The following PTDSS1 variants were observed in gnomAD, a reference collection of about 807,000 sequenced individuals.
PTDSS1 encodes PSS-1.
Under a neutral mutation model 70.5 loss-of-function variants are expected in PTDSS1, and 45 were observed. The observed-to-expected ratio is 0.64, with a 90% CI of 0.50 to 0.82. PTDSS1 has a LOEUF of 0.82. Among genes scored for constraint, PTDSS1 ranks in the 40% least tolerant of loss-of-function variants. PTDSS1 has a pLI of 0.00. For missense variants in PTDSS1, 417 were observed against 586.1 expected, an observed-to-expected ratio of 0.71 and a Z score of 2.98; for synonymous variants, 188 against 203.8, an observed-to-expected ratio of 0.92 and a Z score of 0.66.
chr8:96,321,517 T>G (rs539420506), intron 10 of PTDSS1, among the ~76,000 whole-genome samples: 2 of 152,362 alleles, frequency 1.3e-5, no homozygotes, highest in African/African-American at 4.8e-5. Context: ...AATTTATCGG[T>G]TGAAGAAAGC....
chr8:96,294,796 G>T (rs1297459635), intron 4 of PTDSS1, among the ~76,000 whole-genome samples: 1 of 152,136 alleles, frequency 6.6e-6, no homozygotes, highest in Non-Finnish European at 1.5e-5. Flanking sequence ...TTGCCCTGTG[G>T]TCTGATGACA....
rs1302708008 is a variant in PTDSS1, at chr8:96,299,837, A to C, written c.744A>C (p.Ala248=). ...TAGAGATGAGGACTTACCACTGGGCAAGCTTCAAGTGAGTTGCCTTCTTTT... is the reference window on the plus strand; with the variant it reads ...TAGAGATGAGGACTTACCACTGGGCCAGCTTCAAGTGAGTTGCCTTCTTTT... ...RFLEMRTYHW[A]SFKDIHTTTG... Residue 248 remains alanine (A), a synonymous_variant, in exon 6 of 13, where the codon GCA becomes GCC. Transcript: ENST00000517309. The C allele has an allele frequency of 6.2e-7, 1 of 1,610,380 alleles. No individual in the cohort carries two copies. The highest frequency in any genetic ancestry group is 2.2e-5 in the East Asian group (1 of 44,818).
intron 3 of PTDSS1, among the ~76,000 whole-genome samples, chr8:96,285,143 T>C (rs1810803623): frequency 6.6e-6 from 1 of 152,232 alleles, no homozygotes; most frequent in Admixed American, 6.5e-5. Flanking sequence ...CAGGAGCTGG[T>C]GTCTGGTTTA....
At chr8:96,315,582 ACAT>A (rs1272037103) in intron 9 of PTDSS1, among the ~76,000 whole-genome samples, 2 of 152,104 alleles carry the variant, frequency 1.3e-5, no homozygotes, top group African/African-American at 2.4e-5. Context: ...CTCTACATTA[ACAT>A]CATCTTTTTT....
At chr8:96,275,506 C>T (rs899270299) in intron 2 of PTDSS1, among the ~76,000 whole-genome samples, 2 of 152,144 alleles carry the variant, frequency 1.3e-5, no homozygotes, top group African/African-American at 2.4e-5. Flanking sequence ...ACTTTCCCTT[C>T]CCTCTCATTG....
intron 9 of PTDSS1, among the ~76,000 whole-genome samples, chr8:96,317,967 A>G (rs927623453): frequency 1.9e-4 from 29 of 151,710 alleles, no homozygotes; most frequent in Non-Finnish European, 3.5e-4. Flanking sequence ...GTTTCTTGCT[A>G]TGGTTCTTAA....
At chr8:96,332,886 C>T (rs1452150757) in intron 12 of PTDSS1, among the ~76,000 whole-genome samples, 1 of 152,180 alleles carries the variant, frequency 6.6e-6, no homozygotes, top group Non-Finnish European at 1.5e-5. Context: ...CAGGCAGGGG[C>T]TGAACAAAGG....
intron 5 of PTDSS1, among the ~76,000 whole-genome samples, chr8:96,296,653 G>T (rs1392146543): frequency 6.6e-6 from 1 of 152,158 alleles, no homozygotes; most frequent in African/African-American, 2.4e-5. Context: ...CCATAATAGT[G>T]CCCAACACTT....
In PTDSS1 at chr8:96,266,865, A is replaced by C. The variant is rs998873466; in HGVS notation, c.179+4646A>C. On this transcript the variant is annotated intron_variant, in intron 1 of 12. Transcript: ENST00000517309. ...TTCTTATACTGATTTCCAGAGTTTT[A>C]TGTCCATAATACGATTTCTAATTTG... Among the ~76,000 whole-genome samples, 110 of 152,136 alleles carry C rather than the reference A, an allele frequency of 7.2e-4. 1 individual carries two copies. Among genetic ancestry groups the C allele is most frequent in the African/African-American group, 2.3e-3 (96 of 41,510 alleles).
At chr8:96,330,675 T>G in intron 11 of PTDSS1, 1 of 363,026 alleles carries the variant, frequency 2.8e-6, no homozygotes. Context: ...CTGACCTTCA[T>G]TTAGTAGATA....
chr8:96,285,335 C>G (rs550711708), intron 3 of PTDSS1, among the ~76,000 whole-genome samples: 1 of 152,232 alleles, frequency 6.6e-6, no homozygotes, highest in African/African-American at 2.4e-5. Context: ...ATAGTGCACC[C>G]TGGGAGAAGA....
chr8:96,314,912 A>G (rs1811264285), intron 9 of PTDSS1, among the ~76,000 whole-genome samples: 1 of 152,000 alleles, frequency 6.6e-6, no homozygotes, highest in African/African-American at 2.4e-5. Flanking sequence ...GCTTTTTTTT[A>G]GCAGCCGATC....
chr8:96,283,338 G>T (rs1810770797), intron 2 of PTDSS1, among the ~76,000 whole-genome samples: 1 of 152,206 alleles, frequency 6.6e-6, no homozygotes, highest in Non-Finnish European at 1.5e-5. Context: ...GTACTCACCA[G>T]AATGGTGCTT....
chr8:96,300,789 T>C (rs568077907), intron 6 of PTDSS1, among the ~76,000 whole-genome samples: 1 of 152,368 alleles, frequency 6.6e-6, no homozygotes, highest in East Asian at 1.9e-4. Context: ...TTTATGGTCC[T>C]TTAGTTGTTT....
rs184324107 is a variant in PTDSS1 at position 96,262,897 on chromosome 8, C to G, written c.179+678C>G. Among the ~76,000 whole-genome samples the G allele has an allele frequency of 1.9e-4, 29 of 152,286 alleles. No homozygotes were observed. Among genetic ancestry groups the G allele is most frequent in the Admixed American group, 1.6e-3 (25 of 15,302 alleles). ...GCCACTCTAAACACACACCTCACAG[C>G]GGACCTTTCCTTTCCAGCACAGCCC... On this transcript the variant is annotated intron_variant, in intron 1 of 12. Coordinates refer to ENST00000517309, the MANE Select transcript of PTDSS1 (RefSeq NM_014754.3). This position sits in a 1 kb window ranked among gnomAD's most constrained non-coding sequence, Gnocchi z 4.4.
intron 10 of PTDSS1, among the ~76,000 whole-genome samples, chr8:96,326,657 C>T (rs1456759547): frequency 2.0e-5 from 3 of 152,116 alleles, no homozygotes; most frequent in African/African-American, 7.2e-5. Flanking sequence ...GGACAGGGTC[C>T]CCTGCTTAGG....
chr8:96,268,276 T>G (rs1488507515), intron 1 of PTDSS1, among the ~76,000 whole-genome samples: 1 of 152,212 alleles, frequency 6.6e-6, no homozygotes, highest in Non-Finnish European at 1.5e-5. Context: ...TACTTAACAT[T>G]GGTCTACCAT....
intron 9 of PTDSS1, among the ~76,000 whole-genome samples, chr8:96,317,368 T>TA (rs1352866519): frequency 6.6e-6 from 1 of 152,050 alleles, no homozygotes; most frequent in African/African-American, 2.4e-5. Flanking sequence ...GACAATGGCT[T>TA]AGCTAAGACT....
At chr8:96,313,275 C>T (rs1456970145) in intron 9 of PTDSS1, among the ~76,000 whole-genome samples, 2 of 152,196 alleles carry the variant, frequency 1.3e-5, no homozygotes, top group African/African-American at 2.4e-5. Context: ...AAAGGTGTTG[C>T]ACTCAGCAGA....
Sources: gnomAD v4.1 joint callset for allele counts (sites outside exome capture counted in the v4.1 genomes callset) on GRCh38, gnomAD v4.1.1 for gene constraint, Gnocchi (gnomAD v3.1) non-coding constraint, MANE v1.5 for transcripts, NCBI Gene and HGNC (gene_info 2026-07-23, HGNC 2026-07-21) for gene names.